Variants in LYSMD4 observed in about 807,000 individuals in gnomAD.
LYSMD4 encodes the protein LysM domain containing 4.
Under a neutral mutation model 6.1 loss-of-function variants are expected in LYSMD4, and 9 were observed. That is an observed-to-expected ratio of 1.47 (90% CI 0.88 to 2.56). LYSMD4 has a LOEUF of 2.56. LYSMD4 is among the 30% of genes most tolerant of loss of function. The pLI is 0.00. For missense variants in LYSMD4, 384 were observed against 373.5 expected (o/e 1.03, Z -0.23); for synonymous variants, 143 against 148.5 (o/e 0.96, Z 0.27).
chr15:99,721,380 G>C (rs546745134), upstream of LYSMD4, among the ~76,000 whole-genome samples: 1 of 152,320 alleles, frequency 6.6e-6, no homozygotes, highest in East Asian at 1.9e-4. Flanking sequence ...GCCACTGCCT[G>C]GATGACTGGT....
At chr15:99,719,354 A>G (rs1211941571), upstream of LYSMD4, among the ~76,000 whole-genome samples, 3 of 152,136 alleles carry the variant, frequency 2.0e-5, no homozygotes, top group Non-Finnish European at 4.4e-5. Context: ...TGAGGGGTGT[A>G]TGAATAGTAT....
At chr15:99,731,679 T>A in intron 2 of LYSMD4, 39 bp downstream of exon 2, 1 of 1,538,618 alleles carries the variant, frequency 6.5e-7, no homozygotes, top group South Asian at 1.3e-5. Flanking sequence ...CCGTGTTCCT[T>A]GAAACGGAGC....
At chr15:99,733,231 C>T (rs984839151) in intron 1 of LYSMD4, 114 bp downstream of exon 1, 4 of 374,990 alleles carry the variant, frequency 1.1e-5, no homozygotes, top group South Asian at 1.4e-4. Flanking sequence ...CCCCTAGGAG[C>T]CCGGGGAGGG....
At chr15:99,731,531 GT>G in intron 2 of LYSMD4, 186 bp downstream of exon 2, 2 of 1,555,096 alleles carry the variant, frequency 1.3e-6, no homozygotes, top group Non-Finnish European at 1.7e-6. Flanking sequence ...GGGGGCCAGG[GT>G]TGGGAACTAA....
At chr15:99,725,628 A>G (rs2059272159), downstream of LYSMD4, among the ~76,000 whole-genome samples, 1 of 152,156 alleles carries the variant, frequency 6.6e-6, no homozygotes, top group African/African-American at 2.4e-5. Context: ...ATGGGCAGGT[A>G]AATGCTGATT....
At chr15:99,724,161 TCTC>T (rs768211449), downstream of LYSMD4, among the ~76,000 whole-genome samples, 6 of 151,130 alleles carry the variant, frequency 4.0e-5, no homozygotes, top group Admixed American at 2.6e-4. Flanking sequence ...GGAAATGTCA[TCTC>T]CTCCAGATGT....
intron 1 of LYSMD4, 37 bp from the exon 2 acceptor site, chr15:99,732,044 CAT>C: frequency 6.6e-7 from 1 of 1,513,790 alleles, no homozygotes; most frequent in Non-Finnish European, 8.9e-7. Flanking sequence ...CCACAGAAGA[CAT>C]AATCATCCCT....
chr15:99,721,196 G>A (rs559420209), upstream of LYSMD4, among the ~76,000 whole-genome samples: 2 of 152,288 alleles, frequency 1.3e-5, no homozygotes, highest in African/African-American at 4.8e-5. Context: ...ATGAAGACAG[G>A]TGCTAAAGTC....
At chr15:99,716,820 C>CA (rs2059184352) in exon 1 of LYSMD4, 2 of 384,990 alleles carry the variant, frequency 5.2e-6, no homozygotes, top group African/African-American at 2.1e-5. Context: ...AACTGCTTCT[C>CA]ACAGGAAATA....
downstream of LYSMD4, among the ~76,000 whole-genome samples, chr15:99,724,082 A>G (rs2059258733): frequency 6.6e-6 from 1 of 150,944 alleles, no homozygotes; most frequent in South Asian, 2.1e-4. Context: ...CACACTGGAC[A>G]GTCCTCTTTG....
intron 2 of LYSMD4, chr15:99,731,169 T>A (rs769320986): frequency 6.2e-6 from 10 of 1,612,136 alleles, no homozygotes; most frequent in Non-Finnish European, 7.6e-6. Context: ...ACTTTCCTAC[T>A]TACTTTGCCA....
rs1391706026 is a variant in LYSMD4, at chr15:99,728,298, G to A, written c.*825C>T. The A allele has an allele frequency of 6.6e-6, 1 of 152,432 alleles. No individual in the cohort carries two copies. The highest frequency in any genetic ancestry group is 1.5e-5 in the Non-Finnish European group (1 of 68,228). The allele number at this position is 152,432 out of a possible 1,614,324, so 9.4% of individuals were successfully genotyped here. ...CCCAGCTTCAGACGCCAACCATAGT[G>A]AGGCCTCAGTGACAGGCACTCATCC... On this transcript the variant is annotated 3_prime_UTR_variant, in exon 3 of 3. Transcript: ENST00000684762.
At chr15:99,733,112 G>T (rs959108243) in intron 1 of LYSMD4, 13 of 364,904 alleles carry the variant, frequency 3.6e-5, no homozygotes, top group African/African-American at 2.3e-4. Flanking sequence ...CTCCACGGGC[G>T]GGGCCCTAAC....
At chr15:99,725,238 C>T (rs2059268549), downstream of LYSMD4, among the ~76,000 whole-genome samples, 2 of 152,156 alleles carry the variant, frequency 1.3e-5, no homozygotes, top group African/African-American at 4.8e-5. Context: ...CTTCCTGGCT[C>T]CTTACTTCTA....
downstream of LYSMD4, among the ~76,000 whole-genome samples, chr15:99,722,623 A>T (rs1808723): frequency 0.55 from 83,625 of 152,088 alleles, 23,815 homozygotes; most frequent in Middle Eastern, 0.68. Context: ...GCAGATAAGG[A>T]TGTGAAACAG....
At chr15:99,719,043 C>T (rs1406228199), upstream of LYSMD4, among the ~76,000 whole-genome samples, 1 of 152,222 alleles carries the variant, frequency 6.6e-6, no homozygotes, top group Non-Finnish European at 1.5e-5. Context: ...GGGAACCCAG[C>T]TCTTATTATC....
downstream of LYSMD4, among the ~76,000 whole-genome samples, chr15:99,723,319 CAG>C (rs1018127746): frequency 5.5e-4 from 84 of 152,362 alleles, no homozygotes; most frequent in African/African-American, 1.9e-3. Flanking sequence ...CGAGGCCCCT[CAG>C]AATCACACAG....
In LYSMD4 at chr15:99,733,388, G is replaced by A. The variant is rs1018455233; in HGVS notation, c.-52C>T. 1 of 393,704 alleles carries A rather than the reference G, an allele frequency of 2.5e-6. No individual in the cohort carries two copies. The highest frequency in any genetic ancestry group is 2.1e-5 in the African/African-American group (1 of 47,752). The allele number at this position is 393,704 out of a possible 1,614,324, so 24.4% of individuals were successfully genotyped here. On this transcript the variant is annotated 5_prime_UTR_variant, in exon 1 of 3. Coordinates refer to ENST00000684762, the MANE Select transcript of LYSMD4 (RefSeq NM_001284417.2). ...CCGCGACCGGCGACCGGCGACTCGC[G>A]ACCCGCGACCCGCGACCCGCAGCTG... is the stretch of plus-strand genomic sequence containing the variant.
upstream of LYSMD4, among the ~76,000 whole-genome samples, chr15:99,719,224 T>C (rs997642293): frequency 6.6e-6 from 1 of 152,232 alleles, no homozygotes; most frequent in Non-Finnish European, 1.5e-5. Flanking sequence ...CAGTTACTTG[T>C]AGTTCCCAGT....
Sources: allele counts gnomAD v4.1 joint callset (sites outside exome capture counted in the v4.1 genomes callset), GRCh38; gene constraint gnomAD v4.1.1; transcripts MANE v1.5; gene names NCBI Gene and HGNC (gene_info 2026-07-23, HGNC 2026-07-21).